The following ASS1 variants were observed in gnomAD, a reference collection of about 807,000 sequenced individuals.
The protein encoded by ASS1 is argininosuccinate synthase.
In ASS1, 58 loss-of-function variants were observed where a neutral mutation model predicts 60.5. The observed-to-expected ratio is 0.96, with a 90% CI of 0.78 to 1.19. The LOEUF (loss-of-function observed/expected upper bound fraction) is 1.19, where lower values mean the gene tolerates loss of function less well. Ranked by LOEUF, ASS1 falls within the 50% of genes most tolerant of loss-of-function variation. The probability of loss-of-function intolerance (pLI) is 0.00; values close to 1 mark genes in which losing one functional copy is unlikely to be tolerated. For missense variants in ASS1, 454 were observed against 547.3 expected, an observed-to-expected ratio of 0.83 and a Z score of 1.70; for synonymous variants, 200 against 206.9, an observed-to-expected ratio of 0.97 and a Z score of 0.29.
At chr9:130,451,640 T>C in intron 1 of ASS1, 1 of 358,652 alleles carries the variant, frequency 2.8e-6, no homozygotes, top group Non-Finnish European at 5.5e-6. Flanking sequence ...GCACAGATTC[T>C]TGTGCCCTCT....
Position 130,466,779 on chromosome 9 carries a change from G to A in ASS1, c.475G>A (p.Asp159Asn), listed in dbSNP as rs1845753598. 2 of 1,614,134 alleles carry A rather than the reference G, an allele frequency of 1.2e-6. No homozygotes were observed. Among genetic ancestry groups the A allele is most frequent in the Middle Eastern group, 3.3e-4 (2 of 6,062 alleles). The change falls in exon 6 of 15, where the codon GAC becomes AAC. Residue 159 changes from aspartate to asparagine, a missense_variant. By Grantham distance (23) the Asp-to-Asn change is conservative. Coordinates refer to ENST00000352480, the MANE Select transcript of ASS1 (RefSeq NM_054012.4). Reference protein sequence around the residue: ...EFYNRFKGRNDLMEYAKQHGI... With the variant: ...EFYNRFKGRNNLMEYAKQHGI... The stretch of plus-strand genomic sequence containing the variant: ...CTACAACCGGTTCAAGGGCCGCAAT[G>A]ACCTGATGGAGTACGCAAAGGTATG...
intron 5 of ASS1, 96 bp downstream of exon 5, chr9:130,464,263 G>A: frequency 1.4e-6 from 2 of 1,451,574 alleles, no homozygotes; most frequent in Non-Finnish European, 1.9e-6. Context: ...CACAGGACAG[G>A]CACAGAATCT....
chr9:130,466,804 G>A lies in ASS1; in HGVS notation c.495+5G>A, dbSNP rs1164393587. 6.2e-7 allele frequency: 1 copy of A among 1,613,974 alleles called. No homozygotes were observed. Among genetic ancestry groups the A allele is most frequent in the Non-Finnish European group, 8.5e-7 (1 of 1,179,894 alleles). ...GACCTGATGGAGTACGCAAAGGTAT[G>A]GCCGAGTCTCCCCACCACCCCCAAC... On this transcript the variant is annotated splice_donor_5th_base_variant and intron_variant, in intron 6 of 14. Transcript: ENST00000352480.
intron 1 of ASS1, among the ~76,000 whole-genome samples, chr9:130,446,597 G>T (rs890593658): frequency 6.6e-6 from 1 of 152,214 alleles, no homozygotes; most frequent in Admixed American, 6.5e-5. Flanking sequence ...GGGAAGGGGA[G>T]GCCCCACTCT....
At chr9:130,451,984 C>A (rs1845337989) in intron 1 of ASS1, 2 of 659,638 alleles carry the variant, frequency 3.0e-6, no homozygotes, top group South Asian at 3.0e-5. Context: ...CAGCCTAGGA[C>A]TGCAGTCAGC....
At chr9:130,493,450 C>T (rs1315644695) in intron 12 of ASS1, among the ~76,000 whole-genome samples, 1 of 152,202 alleles carries the variant, frequency 6.6e-6, no homozygotes, top group Non-Finnish European at 1.5e-5. Context: ...GATGCGGACT[C>T]ACAGGGTGGG....
Position 130,494,178 on chromosome 9 carries a change from T to C in ASS1, c.971-689T>C, listed in dbSNP as rs923085816. Among the ~76,000 whole-genome samples the C allele has an allele frequency of 3.9e-5, 6 of 152,222 alleles. No homozygotes were observed. The highest frequency in any genetic ancestry group is 1.4e-4 in the African/African-American group (6 of 41,456). The stretch of plus-strand genomic sequence containing the variant: ...GCCTGAGCGCAGTGCTGCTTATCTA[T>C]GCAGAAATATTCTATCTGCCCAGGA... On this transcript the variant is annotated intron_variant, in intron 12 of 14. Transcript: ENST00000352480. This position sits in a 1 kb window ranked among gnomAD's most constrained non-coding sequence, Gnocchi z 4.3.
At chr9:130,468,676 C>T (rs76092790) in intron 6 of ASS1, among the ~76,000 whole-genome samples, 1 of 152,188 alleles carries the variant, frequency 6.6e-6, no homozygotes, top group East Asian at 1.9e-4. Flanking sequence ...AAGTAATCCA[C>T]CCTCCTTGGC....
intron 4 of ASS1, among the ~76,000 whole-genome samples, chr9:130,461,201 C>CACGGGTGGGTGGGTGAGT (rs1554983223): frequency 1.9e-3 from 258 of 137,114 alleles, no homozygotes; most frequent in Admixed American, 1.9e-3. Context: ...TGGTGGAGTG[C>CACGGGTGGGTGGGTGAGT]ATGGGTGGGT....
At chr9:130,479,914 C>A in intron 10 of ASS1, 114 bp downstream of exon 10, 2 of 1,201,804 alleles carry the variant, frequency 1.7e-6, no homozygotes, top group Non-Finnish European at 1.2e-6. Flanking sequence ...GGAGCACAGG[C>A]CATGTCCCTT....
Position 130,458,552 on chromosome 9 carries a change from A to G in ASS1, c.326A>G (p.Glu109Gly). 1 of 1,613,274 alleles carries G rather than the reference A, an allele frequency of 6.2e-7. No individual in the cohort carries two copies. The highest frequency in any genetic ancestry group is 8.5e-7 in the Non-Finnish European group (1 of 1,179,882). ...AAACAAGTGGAAATCGCCCAGCGGG[A>G]GGGGGCCAAGTATGTGTCCCACGGC... ...ARKQVEIAQREGAKYVSHGAT... is the reference protein window; with the variant it reads ...ARKQVEIAQRGGAKYVSHGAT... Residue 109 changes from glutamate to glycine, a missense_variant, in exon 4 of 15, where the codon GAG becomes GGG. Glu to Gly is a moderately conservative substitution (Grantham distance 98, BLOSUM62 -2). Transcript: ENST00000352480.
rs1442270570 is a variant in ASS1 at position 130,476,967 on chromosome 9, T to C, written c.688+6T>C. The C allele has an allele frequency of 1.2e-6, 2 of 1,612,996 alleles. No homozygotes were observed. The highest frequency in any genetic ancestry group is 2.2e-5 in the East Asian group (1 of 44,874). On this transcript the variant is annotated splice_donor_region_variant and intron_variant, in intron 9 of 14. Coordinates refer to ENST00000352480, the MANE Select transcript of ASS1 (RefSeq NM_054012.4). The surrounding 1 kb of genome is among the most constrained non-coding windows in gnomAD (Gnocchi z 4.9). Reference sequence around the variant, plus strand: ...CGAGATCGAGTTCAAAAAAGGTATGTGCCCACCTGTTGGGACTCGAAGGGG... The same window carrying C: ...CGAGATCGAGTTCAAAAAAGGTATGCGCCCACCTGTTGGGACTCGAAGGGG...
chr9:130,483,272 G>A (rs1430035065), intron 11 of ASS1, among the ~76,000 whole-genome samples: 3 of 149,340 alleles, frequency 2.0e-5, no homozygotes, highest in African/African-American at 7.4e-5. Context: ...GTATCTCGGT[G>A]TACAAGGGGA....
intron 13 of ASS1, among the ~76,000 whole-genome samples, chr9:130,496,593 TAAAAAAAA>T (rs56807719): frequency 1.9e-5 from 2 of 105,954 alleles, no homozygotes; most frequent in African/African-American, 7.1e-5. Flanking sequence ...ACTGTCTCTT[TAAAAAAAA>T]AAAAAAAAAA....
chr9:130,466,086 C>T (rs2131881829), intron 5 of ASS1, among the ~76,000 whole-genome samples: 1 of 152,338 alleles, frequency 6.6e-6, no homozygotes, highest in Admixed American at 6.5e-5. Flanking sequence ...CACGGCCCAG[C>T]AGCCAAATGA....
chr9:130,487,911 C>T (rs533099999), intron 11 of ASS1, among the ~76,000 whole-genome samples: 20 of 152,184 alleles, frequency 1.3e-4, no homozygotes, highest in Admixed American at 3.3e-4. Flanking sequence ...CCACCATGCC[C>T]GGCTAAATTT....
At chr9:130,480,521 C>T (rs2118842135) in intron 11 of ASS1, 72 bp downstream of exon 11, 6 of 1,522,206 alleles carry the variant, frequency 3.9e-6, no homozygotes, top group Non-Finnish European at 5.4e-6. Flanking sequence ...AGACCCTGTC[C>T]CCTTTGGACG....
intron 3 of ASS1, among the ~76,000 whole-genome samples, chr9:130,456,094 G>A (rs533400068): frequency 1.3e-5 from 2 of 152,358 alleles, no homozygotes; most frequent in African/African-American, 2.4e-5. Context: ...TAGATGAGCA[G>A]TTCTCAAAAC....
chr9:130,464,803 A>G (rs928388954), intron 5 of ASS1, among the ~76,000 whole-genome samples: 1 of 151,698 alleles, frequency 6.6e-6, no homozygotes, highest in Non-Finnish European at 1.5e-5. Context: ...GCCTGCGTCC[A>G]TGCATGAATG....
Sources: gnomAD v4.1 joint callset for allele counts (sites outside exome capture counted in the v4.1 genomes callset) on GRCh38, gnomAD v4.1.1 for gene constraint, Gnocchi (gnomAD v3.1) non-coding constraint, MANE v1.5 for transcripts, NCBI Gene and HGNC (gene_info 2026-07-23, HGNC 2026-07-21) for gene names.